CNNM1: variants seen among roughly 807,000 people sequenced by gnomAD.
CNNM1 encodes cyclin and CBS domain divalent metal cation transport mediator 1, also known as metal transporter CNNM1.
A neutral mutation model predicts 78.8 loss-of-function variants in CNNM1; 44 were observed. That is an observed-to-expected ratio of 0.56 (90% confidence interval 0.44 to 0.72). CNNM1 has a LOEUF of 0.72. Among genes scored for constraint, CNNM1 ranks in the 30% least tolerant of loss-of-function variants. CNNM1 has a pLI of 0.00. For missense variants in CNNM1, 1,101 were observed against 1,292.2 expected, an observed-to-expected ratio of 0.85 and a Z score of 2.27; for synonymous variants, 584 against 581.5, an observed-to-expected ratio of 1.00 and a Z score of -0.06.
chr10:99,332,165 CAA>C (rs910722067), intron 1 of CNNM1, among the ~76,000 whole-genome samples: 1 of 152,104 alleles, frequency 6.6e-6, no homozygotes, highest in Non-Finnish European at 1.5e-5. Flanking sequence ...TGAGAGCATT[CAA>C]AAGACTATCT....
intron 6 of CNNM1, among the ~76,000 whole-genome samples, chr10:99,372,737 A>G (rs1232935093): frequency 6.6e-6 from 1 of 152,190 alleles, no homozygotes; most frequent in Non-Finnish European, 1.5e-5. Context: ...CAAAATGCCA[A>G]GTCATCAGCA....
intron 7 of CNNM1, among the ~76,000 whole-genome samples, chr10:99,380,190 C>A (rs891266486): frequency 1.3e-5 from 2 of 152,074 alleles, no homozygotes; most frequent in African/African-American, 4.8e-5. Flanking sequence ...ATATCCTAAT[C>A]ACCTGCCAAA....
In CNNM1 at chr10:99,388,166, G is replaced by A. The variant is rs751698361; in HGVS notation, c.2539G>A (p.Gly847Arg). The A allele has an allele frequency of 8.9e-5, 143 of 1,613,762 alleles. 1 individual carries two copies. The highest frequency in any genetic ancestry group is 1.0e-4 in the Non-Finnish European group (119 of 1,179,896). The change falls in exon 9 of 11, where the codon GGG (glycine) becomes AGG (arginine). Residue 847 changes from glycine (G) to arginine (R), a missense_variant. Physicochemically the swap from Gly to Arg is moderately radical, Grantham distance 125. Coordinates refer to ENST00000356713, the MANE Select transcript of CNNM1 (RefSeq NM_020348.3). ...GTCCTCCCCAGGCAGCCGCTCAGACGGGCTGAGAAGCCCCAGCGAGGTAGT... is the reference window on the plus strand; with the variant it reads ...GTCCTCCCCAGGCAGCCGCTCAGACAGGCTGAGAAGCCCCAGCGAGGTAGT... The part of the protein sequence containing the change: ...RNSLPCSRSD[G>R]LRSPSEVVYL...
Position 99,362,358 on chromosome 10 carries a change from C to T in CNNM1, c.1990C>T (p.Arg664Cys), listed in dbSNP as rs369315734. 3.8e-5 allele frequency: 61 copies of T among 1,613,818 alleles called. No individual in the cohort carries two copies. Among genetic ancestry groups the T allele is most frequent in the South Asian group, 7.7e-5 (7 of 91,074 alleles). The change falls in exon 4 of 11, where the codon CGC (arginine) becomes TGC (cysteine). Residue 664 changes from arginine to cysteine, a missense_variant. Physicochemically the swap from Arg to Cys is radical, Grantham distance 180 (BLOSUM62 -3). This residue lies in a region of CNNM1 where 348 missense variants were observed against 384.5 expected (regional missense o/e 0.90). Transcript: ENST00000356713. The part of the protein sequence containing the change: ...KKAPEHYLYQ[R>C]NRPVDYFVLL... Reference sequence around the variant, plus strand: ...GGCCCCGGAACACTACCTCTACCAGCGCAACCGCCCTGTGGACTACTTTGT... The same window carrying T: ...GGCCCCGGAACACTACCTCTACCAGTGCAACCGCCCTGTGGACTACTTTGT...
At chr10:99,377,692 T>C (rs1410784901) in intron 7 of CNNM1, among the ~76,000 whole-genome samples, 2 of 152,232 alleles carry the variant, frequency 1.3e-5, no homozygotes, top group African/African-American at 2.4e-5. Flanking sequence ...TACTTTTACA[T>C]GTGATAATAT....
chr10:99,388,860 C>T (rs2032385282), intron 9 of CNNM1, among the ~76,000 whole-genome samples: 2 of 152,140 alleles, frequency 1.3e-5, no homozygotes, highest in Admixed American at 6.5e-5. Flanking sequence ...AAGACTTTTC[C>T]TGAGGTCTAA....
chr10:99,343,080 C>G (rs1407491784), intron 1 of CNNM1, among the ~76,000 whole-genome samples: 6 of 152,046 alleles, frequency 3.9e-5, no homozygotes, highest in Non-Finnish European at 8.8e-5. Flanking sequence ...ATTCTCCTGC[C>G]TCAGCCTAAG....
Position 99,330,344 on chromosome 10 carries a change from G to A in CNNM1, c.957G>A (p.Glu319=). ...GCACCGGGGAAGACTACAGCGAAGAGGGGATCCACTTCCCGTGGCTGCCGG... is the reference window on the plus strand; with the variant it reads ...GCACCGGGGAAGACTACAGCGAAGAAGGGATCCACTTCCCGTGGCTGCCGG... ...FGGTGEDYSE[E]GIHFPWLPAL... The change falls in exon 1 of 11, where the codon GAG becomes GAA. Residue 319 remains glutamate (E), a synonymous_variant. Coordinates refer to ENST00000356713, the MANE Select transcript of CNNM1 (RefSeq NM_020348.3). The A allele has an allele frequency of 6.2e-7, 1 of 1,601,568 alleles. No homozygotes were observed. The highest frequency in any genetic ancestry group is 8.5e-7 in the Non-Finnish European group (1 of 1,175,122).
chr10:99,365,972 T>C (rs987279112), intron 6 of CNNM1, among the ~76,000 whole-genome samples: 1 of 152,248 alleles, frequency 6.6e-6, no homozygotes, highest in Non-Finnish European at 1.5e-5. Context: ...AGATGCTTCC[T>C]GGTGTCCTGG....
chr10:99,391,051 T>C lies in CNNM1; in HGVS notation c.2777-386T>C, dbSNP rs187877249. ...TTGCAGCTACAGCCACCAACCCTGATTCATGGGACATCAAAGTCTATGAGA... is the reference window on the plus strand; with the variant it reads ...TTGCAGCTACAGCCACCAACCCTGACTCATGGGACATCAAAGTCTATGAGA... On this transcript the variant is annotated intron_variant, in intron 10 of 10. Transcript: ENST00000356713. Among the ~76,000 whole-genome samples the C allele has an allele frequency of 5.9e-5, 9 of 152,348 alleles. No individual in the cohort carries two copies. In the East Asian group the frequency reaches 1.7e-3, roughly 29 times the overall value.
At chr10:99,362,779 C>T (rs1269547810) in intron 4 of CNNM1, among the ~76,000 whole-genome samples, 1 of 152,140 alleles carries the variant, frequency 6.6e-6, no homozygotes, top group Non-Finnish European at 1.5e-5. Flanking sequence ...GACAACTCTT[C>T]TTTAAACCCT....
At chr10:99,381,410 A>G (rs1189056212) in intron 7 of CNNM1, among the ~76,000 whole-genome samples, 1 of 3,486 alleles carries the variant, frequency 2.9e-4, no homozygotes, top group Admixed American at 1.1e-3. Flanking sequence ...CTCTGTCTTC[A>G]AAAAAAAAAA....
At chr10:99,335,547 A>G (rs1336452860) in intron 1 of CNNM1, among the ~76,000 whole-genome samples, 1 of 152,170 alleles carries the variant, frequency 6.6e-6, no homozygotes, top group Admixed American at 6.5e-5. Flanking sequence ...CTAAGTACGG[A>G]ATAATTAATG....
At chr10:99,364,702 T>TA (rs1234011323) in intron 5 of CNNM1, among the ~76,000 whole-genome samples, 186 bp downstream of exon 5, 2 of 151,338 alleles carry the variant, frequency 1.3e-5, no homozygotes, top group East Asian at 1.9e-4. Flanking sequence ...AGTTAGTGCT[T>TA]AAAAAAAAAG....
chr10:99,344,257 G>A (rs1183730560), intron 1 of CNNM1, among the ~76,000 whole-genome samples: 3 of 151,294 alleles, frequency 2.0e-5, no homozygotes, highest in African/African-American at 7.3e-5. Context: ...ACTTGAACCC[G>A]GGAGGTGGAG....
rs777619103 is a variant in CNNM1 at position 99,364,429 on chromosome 10, G to T, written c.2041G>T (p.Val681Leu). The change falls in exon 5 of 11, where the codon GTG becomes TTG. Residue 681 changes from valine to leucine, a missense_variant. Val to Leu is a conservative substitution (Grantham distance 32). Transcript: ENST00000356713. ...TTTTTTTTTCCAGGGTAAAGTGGAG[G>T]TGGAGGTTGGTAAGGAAGGCCTTCG... Reference protein sequence around the residue: ...FVLLLQGKVEVEVGKEGLRFE... With the variant: ...FVLLLQGKVELEVGKEGLRFE... 6.2e-7 allele frequency: 1 copy of T among 1,611,166 alleles called. No individual in the cohort carries two copies. The highest frequency in any genetic ancestry group is 1.1e-5 in the South Asian group (1 of 90,288).
At chr10:99,350,722 G>A (rs777434035) in intron 1 of CNNM1, among the ~76,000 whole-genome samples, 23 of 152,196 alleles carry the variant, frequency 1.5e-4, no homozygotes, top group Non-Finnish European at 2.6e-4. Flanking sequence ...ATGGTTTGCT[G>A]CACCTATCAA....
At chr10:99,373,512 A>C (rs1174839431) in intron 6 of CNNM1, among the ~76,000 whole-genome samples, 1 of 152,174 alleles carries the variant, frequency 6.6e-6, no homozygotes, top group African/African-American at 2.4e-5. Context: ...CCACCACCCT[A>C]AAACAGCTAC....
chr10:99,336,810 T>G (rs2030208825), intron 1 of CNNM1, among the ~76,000 whole-genome samples: 1 of 152,086 alleles, frequency 6.6e-6, no homozygotes. Context: ...CTACTAAAAA[T>G]ACAAAAATTA....
Sources: gnomAD v4.1 joint callset for allele counts (sites outside exome capture counted in the v4.1 genomes callset) on GRCh38, gnomAD v4.1.1 for gene constraint, gnomAD v4.1.1 regional missense constraint, MANE v1.5 for transcripts, NCBI Gene and HGNC (gene_info 2026-07-23, HGNC 2026-07-21) for gene names.